SH3BGR: variants seen among roughly 807,000 people sequenced by gnomAD.
SH3BGR encodes the protein SH3 domain-binding glutamic acid-rich protein.
SH3BGR carries 29 observed loss-of-function variants against 24.5 expected under a neutral mutation model. That is an observed-to-expected ratio of 1.18 (90% CI 0.88 to 1.61). The LOEUF is 1.61. Ranked by LOEUF, SH3BGR falls within the 40% of genes most tolerant of loss-of-function variation. The pLI is 0.00. For missense variants in SH3BGR, 162 were observed against 205.8 expected (o/e 0.79, Z 1.30); for synonymous variants, 55 against 65.7 (o/e 0.84, Z 0.79).
chr21:39,463,097 T>A (rs2077782020), intron 2 of SH3BGR, among the ~76,000 whole-genome samples: 2 of 151,164 alleles, frequency 1.3e-5, no homozygotes, highest in African/African-American at 4.9e-5. Context: ...TTGCCCAGGC[T>A]GCTCTGGAAC....
chr21:39,507,180 C>G (rs1259718622), intron 4 of SH3BGR, among the ~76,000 whole-genome samples: 1 of 152,168 alleles, frequency 6.6e-6, no homozygotes, highest in Non-Finnish European at 1.5e-5. Flanking sequence ...TCCTCTTGGC[C>G]TGATTCAGAC....
chr21:39,502,845 C>T (rs1217996365), intron 4 of SH3BGR, among the ~76,000 whole-genome samples: 1 of 152,212 alleles, frequency 6.6e-6, no homozygotes. Context: ...GCTGCCTGTA[C>T]AGAGTGCCTT....
At chr21:39,508,346 G>T (rs1183872473) in intron 4 of SH3BGR, among the ~76,000 whole-genome samples, 1 of 152,178 alleles carries the variant, frequency 6.6e-6, no homozygotes, top group Non-Finnish European at 1.5e-5. Context: ...ATTTTTAGGA[G>T]CTGTAACCTG....
chr21:39,446,445 A>G (rs572318694), intron 1 of SH3BGR, among the ~76,000 whole-genome samples: 1 of 152,308 alleles, frequency 6.6e-6, no homozygotes, highest in South Asian at 2.1e-4. Flanking sequence ...TCCTTAGGAT[A>G]AATTCCTACA....
At chr21:39,453,769 A>G (rs2077611887) in intron 1 of SH3BGR, among the ~76,000 whole-genome samples, 1 of 152,162 alleles carries the variant, frequency 6.6e-6, no homozygotes, top group Non-Finnish European at 1.5e-5. Flanking sequence ...TTGTCTGTAA[A>G]ATGAGGATAA....
rs2078687045 is a variant in SH3BGR at position 39,511,203 on chromosome 21, T to A, written c.436-477T>A. On this transcript the variant is annotated intron_variant, in intron 5 of 6. Coordinates refer to ENST00000333634, the MANE Select transcript of SH3BGR (RefSeq NM_007341.3). The surrounding 1 kb of genome is among the most constrained non-coding windows in gnomAD (Gnocchi z 4.2). Reference sequence around the variant, plus strand: ...TATGGTGTGTGGTGTGTTTGGTGTGTGTGTGTGTGATGTGTGTTATGGTGT... The same window carrying A: ...TATGGTGTGTGGTGTGTTTGGTGTGAGTGTGTGTGATGTGTGTTATGGTGT... 6.6e-6 allele frequency among the ~76,000 whole-genome samples: 1 copy of A among 151,082 alleles called. No individual in the cohort carries two copies. The highest frequency in any genetic ancestry group is 1.9e-4 in the East Asian group (1 of 5,134).
At chr21:39,490,109 A>C (rs1602138307) in intron 3 of SH3BGR, among the ~76,000 whole-genome samples, 1 of 152,356 alleles carries the variant, frequency 6.6e-6, no homozygotes, top group African/African-American at 2.4e-5. Context: ...TGTGAATGTT[A>C]ATAGAGAATT....
intron 3 of SH3BGR, among the ~76,000 whole-genome samples, chr21:39,483,308 T>C (rs530470485): frequency 6.6e-5 from 10 of 152,318 alleles, no homozygotes; most frequent in Admixed American, 3.9e-4. Flanking sequence ...TAAAATAAAA[T>C]AAATGGTTGG....
intron 2 of SH3BGR, among the ~76,000 whole-genome samples, chr21:39,462,965 CCT>C (rs1450737407): frequency 1.3e-5 from 2 of 152,194 alleles, no homozygotes; most frequent in Non-Finnish European, 2.9e-5. Flanking sequence ...CTCACTGCAG[CCT>C]CTTTCTCTTG....
At chr21:39,458,511 TATTTTTAGTAGAGACAA>T (rs2077701777) in intron 1 of SH3BGR, among the ~76,000 whole-genome samples, 1 of 151,936 alleles carries the variant, frequency 6.6e-6, no homozygotes, top group African/African-American at 2.4e-5. Context: ...CTAATTTTTG[TATTTTTAGTAGAGACAA>T]GGTTTCGCCA....
At chr21:39,451,648 G>T (rs1190117408), upstream of SH3BGR, among the ~76,000 whole-genome samples, 2 of 152,046 alleles carry the variant, frequency 1.3e-5, no homozygotes, top group Non-Finnish European at 2.9e-5. Context: ...GTGTTTTCTG[G>T]GCTTTTCCAG....
In SH3BGR at chr21:39,508,989, G is replaced by A. The variant is rs755981478; in HGVS notation, c.406-9G>A. 1 of 1,601,808 alleles carries A rather than the reference G, an allele frequency of 6.2e-7. No homozygotes were observed. The highest frequency in any genetic ancestry group is 1.1e-5 in the South Asian group (1 of 88,860). On this transcript the variant is annotated splice_polypyrimidine_tract_variant and intron_variant, in intron 4 of 6. Transcript: ENST00000333634. ...GTTTTTTTCTTTAATTTTGATTTATGGATGTAAGGAAGAAGAAGGAGAGAC... is the reference window on the plus strand; with the variant it reads ...GTTTTTTTCTTTAATTTTGATTTATAGATGTAAGGAAGAAGAAGGAGAGAC...
chr21:39,453,168 C>T (rs998147607), intron 1 of SH3BGR, among the ~76,000 whole-genome samples: 5 of 152,050 alleles, frequency 3.3e-5, no homozygotes, highest in Admixed American at 6.5e-5. Context: ...CTCCCAGCCC[C>T]GAAAGTTCAT....
chr21:39,466,044 G>A (rs1284596506), intron 2 of SH3BGR, among the ~76,000 whole-genome samples: 1 of 152,094 alleles, frequency 6.6e-6, no homozygotes, highest in Non-Finnish European at 1.5e-5. Context: ...CTTTGTATCC[G>A]GTATGAGTGT....
upstream of SH3BGR, among the ~76,000 whole-genome samples, chr21:39,447,973 A>G (rs2077530375): frequency 2.6e-5 from 4 of 152,310 alleles, no homozygotes; most frequent in Admixed American, 1.3e-4. Context: ...CTGAAAGTCC[A>G]TGTTTCCTCT....
chr21:39,499,541 T>C (rs1239221199), intron 3 of SH3BGR, among the ~76,000 whole-genome samples: 1 of 152,202 alleles, frequency 6.6e-6, no homozygotes, highest in Admixed American at 6.5e-5. Flanking sequence ...AAGATAGAAT[T>C]CTTCTCCTCA....
In SH3BGR at chr21:39,494,584, C is replaced by T. The variant is rs549349215; in HGVS notation, c.313-5239C>T. On this transcript the variant is annotated intron_variant, in intron 3 of 6. Transcript: ENST00000333634. ...TCCATAGTTTCTGATGAGACATGAT[C>T]TTGTTTCCTGTAGATAGTGTATGAT... 2.0e-5 allele frequency among the ~76,000 whole-genome samples: 3 copies of T among 151,894 alleles called. No individual in the cohort carries two copies. The South Asian group carries it at 6.2e-4, about 32-fold the overall frequency.
At chr21:39,492,489 C>G (rs2078321344) in intron 3 of SH3BGR, among the ~76,000 whole-genome samples, 2 of 144,874 alleles carry the variant, frequency 1.4e-5, no homozygotes, top group South Asian at 2.1e-4. Flanking sequence ...TATACACACA[C>G]ACACACACAC....
At chr21:39,498,857 A>G (rs8132996) in intron 3 of SH3BGR, among the ~76,000 whole-genome samples, 79,343 of 151,988 alleles carry the variant, frequency 0.52, 21,166 homozygotes, top group East Asian at 0.68. Flanking sequence ...GTATTAGTCT[A>G]TTTTCATACT....
Sources: gnomAD v4.1 joint callset for allele counts (sites outside exome capture counted in the v4.1 genomes callset) on GRCh38, gnomAD v4.1.1 for gene constraint, Gnocchi (gnomAD v3.1) non-coding constraint, MANE v1.5 for transcripts, NCBI Gene and HGNC (gene_info 2026-07-23, HGNC 2026-07-21) for gene names.